RNF180: variants seen among roughly 807,000 people sequenced by gnomAD.
RNF180 encodes E3 ubiquitin-protein ligase RNF180.
Under a neutral mutation model 59.2 loss-of-function variants are expected in RNF180, and 38 were observed. The observed-to-expected ratio is 0.64, with a 90% CI of 0.50 to 0.84. The LOEUF (loss-of-function observed/expected upper bound fraction) is 0.84. Among genes scored for constraint, RNF180 ranks in the 40% least tolerant of loss-of-function variants. RNF180 has a pLI of 0.00. For missense variants in RNF180, 705 were observed against 700.9 expected, an observed-to-expected ratio of 1.01 and a Z score of -0.07; for synonymous variants, 262 against 240.3, an observed-to-expected ratio of 1.09 and a Z score of -0.84.
intron 1 of RNF180, among the ~76,000 whole-genome samples, chr5:64,169,872 A>G (rs1038829998): frequency 7.9e-5 from 12 of 152,246 alleles, no homozygotes; most frequent in Admixed American, 2.6e-4. Flanking sequence ...ATAAATTCTA[A>G]TCATTACTTC....
chr5:64,257,017 G>A (rs957966485), intron 5 of RNF180, among the ~76,000 whole-genome samples: 6 of 152,158 alleles, frequency 3.9e-5, no homozygotes, highest in African/African-American at 1.4e-4. Context: ...TGTTATTGGT[G>A]TATAAGAATG....
Position 64,263,226 on chromosome 5 carries a change from T to C in RNF180, c.1227+45830T>C, listed in dbSNP as rs534159110. ...TTTGTTAGAATTCATTGTGCATTTG[T>C]GAATTTTCTCTATGTGAGTAACACT... On this transcript the variant is annotated intron_variant, in intron 5 of 7. Coordinates refer to ENST00000389100, the MANE Select transcript of RNF180 (RefSeq NM_001113561.2). 3.1e-4 allele frequency among the ~76,000 whole-genome samples: 47 copies of C among 152,338 alleles called. 1 individual carries two copies. The highest frequency in any genetic ancestry group is 4.3e-4 in the Non-Finnish European group (29 of 68,028).
At chr5:64,313,861 A>G (rs948791793) in intron 5 of RNF180, among the ~76,000 whole-genome samples, 1 of 152,026 alleles carries the variant, frequency 6.6e-6, no homozygotes, top group Non-Finnish European at 1.5e-5. Context: ...CTGTTGTGAA[A>G]TGGTATCTTG....
intron 7 of RNF180, among the ~76,000 whole-genome samples, chr5:64,356,024 T>C (rs1288379853): frequency 6.6e-6 from 1 of 151,742 alleles, no homozygotes; most frequent in Non-Finnish European, 1.5e-5. Flanking sequence ...ATTAAAAATT[T>C]TGAAAGGAAT....
intron 5 of RNF180, among the ~76,000 whole-genome samples, chr5:64,291,422 T>C (rs1437690696): frequency 7.5e-5 from 10 of 133,106 alleles, no homozygotes; most frequent in Middle Eastern, 3.6e-3. Flanking sequence ...TTTTCTTTTT[T>C]TTTTTTTTTT....
intron 5 of RNF180, among the ~76,000 whole-genome samples, chr5:64,306,756 T>C (rs897502112): frequency 1.3e-5 from 2 of 149,838 alleles, no homozygotes; most frequent in South Asian, 2.1e-4. Flanking sequence ...TTCTCACTCA[T>C]AGGTGGGAAT....
At chr5:64,318,307 A>G (rs1237597307) in intron 5 of RNF180, among the ~76,000 whole-genome samples, 1 of 152,168 alleles carries the variant, frequency 6.6e-6, no homozygotes, top group African/African-American at 2.4e-5. Flanking sequence ...CGCCAATCTG[A>G]TAACTGAGAC....
At chr5:64,166,719 T>C (rs1749660863) in intron 1 of RNF180, among the ~76,000 whole-genome samples, 1 of 152,214 alleles carries the variant, frequency 6.6e-6, no homozygotes, top group Non-Finnish European at 1.5e-5. Flanking sequence ...GTCGGGTTAC[T>C]ATTATCCCAT....
At chr5:64,175,226 C>A (rs1258609845) in intron 1 of RNF180, among the ~76,000 whole-genome samples, 1 of 152,162 alleles carries the variant, frequency 6.6e-6, no homozygotes, top group Non-Finnish European at 1.5e-5. Context: ...CTCGGACTCC[C>A]AAAGAGCTGG....
chr5:64,235,785 G>A (rs1742402617), intron 5 of RNF180, among the ~76,000 whole-genome samples: 1 of 152,104 alleles, frequency 6.6e-6, no homozygotes, highest in Non-Finnish European at 1.5e-5. Context: ...ACAAGATCTG[G>A]TTGTTTAATG....
chr5:64,359,505 G>C (rs1207237166), intron 7 of RNF180, among the ~76,000 whole-genome samples: 1 of 151,854 alleles, frequency 6.6e-6, no homozygotes, highest in Non-Finnish European at 1.5e-5. Flanking sequence ...TTGTAAATTT[G>C]TTTGAGTTCA....
chr5:64,275,011 A>G (rs912477093), intron 5 of RNF180, among the ~76,000 whole-genome samples: 2 of 152,004 alleles, frequency 1.3e-5, no homozygotes, highest in African/African-American at 4.8e-5. Flanking sequence ...AGCATATGTT[A>G]GAAATCCAAA....
chr5:64,290,112 T>C (rs528054141), intron 5 of RNF180, among the ~76,000 whole-genome samples: 1 of 152,290 alleles, frequency 6.6e-6, no homozygotes, highest in South Asian at 2.1e-4. Context: ...CAAAGAACTT[T>C]TTGATTTCTG....
intron 7 of RNF180, among the ~76,000 whole-genome samples, chr5:64,338,634 CA>C (rs201803022): frequency 0.02 from 2,093 of 102,492 alleles, 46 homozygotes; most frequent in African/African-American, 0.056. Context: ...GACTCCATCT[CA>C]AAAAAAAAAA....
chr5:64,352,333 T>C (rs1448531892), intron 7 of RNF180, among the ~76,000 whole-genome samples: 3 of 152,152 alleles, frequency 2.0e-5, no homozygotes, highest in Non-Finnish European at 4.4e-5. Context: ...ATCAATTTTG[T>C]TGATCTTTTC....
At chr5:64,355,560 A>T (rs1215468867) in intron 7 of RNF180, among the ~76,000 whole-genome samples, 2 of 151,940 alleles carry the variant, frequency 1.3e-5, no homozygotes, top group African/African-American at 4.8e-5. Flanking sequence ...GAAAAGGATG[A>T]TCTTCAAATT....
chr5:64,230,945 T>TA (rs1300211668), intron 5 of RNF180, among the ~76,000 whole-genome samples: 1 of 152,210 alleles, frequency 6.6e-6, no homozygotes, highest in African/African-American at 2.4e-5. Context: ...GTATCATAAT[T>TA]TGACATAAAT....
intron 1 of RNF180, among the ~76,000 whole-genome samples, chr5:64,186,378 A>G (rs912870078): frequency 2.6e-5 from 4 of 152,106 alleles, no homozygotes; most frequent in Admixed American, 2.6e-4. Context: ...TTTAGCCCGT[A>G]TTTCCCCTTC....
chr5:64,287,397 A>C (rs1742344213), intron 5 of RNF180, among the ~76,000 whole-genome samples: 2 of 152,238 alleles, frequency 1.3e-5, no homozygotes, highest in African/African-American at 4.8e-5. Flanking sequence ...ATTAATTCTC[A>C]GAATGAGTGC....
Sources: allele counts gnomAD v4.1 joint callset (sites outside exome capture counted in the v4.1 genomes callset), GRCh38; gene constraint gnomAD v4.1.1; transcripts MANE v1.5; gene names NCBI Gene and HGNC (gene_info 2026-07-23, HGNC 2026-07-21).